Variants in LRIF1 observed in about 807,000 individuals in gnomAD.
LRIF1 encodes ligand-dependent nuclear receptor-interacting factor 1.
In LRIF1, 32 loss-of-function variants were observed where a neutral mutation model predicts 52.7. The ratio of observed to expected loss-of-function variants is 0.61; its 90% CI spans 0.46 to 0.82. The LOEUF is 0.82. LRIF1 is among the 40% of genes least tolerant of loss of function. The pLI is 0.00. For synonymous variants in LRIF1, 323 were observed against 317.4 expected (o/e 1.02, Z -0.19); for missense variants, 887 against 892.0 (o/e 0.99, Z 0.07).
intron 1 of LRIF1, among the ~76,000 whole-genome samples, chr1:110,953,337 A>G (rs1658561583): frequency 6.6e-6 from 1 of 152,186 alleles, no homozygotes; most frequent in South Asian, 2.1e-4. Flanking sequence ...TTAGTTTGCC[A>G]CATTTTTGTG....
chr1:110,889,844 A>G, the LRIF1 span, among the ~76,000 whole-genome samples: 1 of 152,214 alleles, frequency 6.6e-6, no homozygotes, highest in African/African-American at 2.4e-5. Flanking sequence ...TACTTCTGAT[A>G]TATATTCAAA....
chr1:110,880,172 A>G, the LRIF1 span: 1 of 152,100 alleles, frequency 6.6e-6, no homozygotes, highest in Non-Finnish European at 1.5e-5. Flanking sequence ...AGAGTCATAG[A>G]CTTTGACTGT....
At chr1:110,928,625 G>A in the LRIF1 span, among the ~76,000 whole-genome samples, 81 of 152,244 alleles carry the variant, frequency 5.3e-4, no homozygotes, top group East Asian at 3.9e-4. Context: ...GTTAGAATAC[G>A]AGATTCTAAG....
chr1:110,952,145 G>C lies in LRIF1; in HGVS notation c.739C>G (p.Gln247Glu), dbSNP rs139818648. 6.2e-7 allele frequency: 1 copy of C among 1,614,128 alleles called. No homozygotes were observed. The highest frequency in any genetic ancestry group is 8.5e-7 in the Non-Finnish European group (1 of 1,180,006). Residue 247 changes from glutamine (Q) to glutamate (E), a missense_variant, in exon 2 of 4, where the codon CAA becomes GAA. Gln to Glu is a conservative substitution (Grantham distance 29). Transcript: ENST00000369763. ...TVKNVVTKNFQNIYPKPVTEI... is the reference protein window; with the variant it reads ...TVKNVVTKNFENIYPKPVTEI... ...GTAACAGGTTTTGGGTAAATGTTTTGAAAGTTCTTGGTAACTACATTTTTC... is the reference window on the plus strand; with the variant it reads ...GTAACAGGTTTTGGGTAAATGTTTTCAAAGTTCTTGGTAACTACATTTTTC...
At chr1:110,917,724 G>T in the LRIF1 span, among the ~76,000 whole-genome samples, 1 of 149,166 alleles carries the variant, frequency 6.7e-6, no homozygotes, top group East Asian at 2.0e-4. Flanking sequence ...ATGTTATAAA[G>T]TTATATGTGC....
chr1:110,951,388 C>CAA lies in LRIF1; in HGVS notation c.1495_1496insTT (p.Arg499IlefsTer10). 1.2e-6 allele frequency: 2 copies of CAA among 1,614,116 alleles called. No individual in the cohort carries two copies. The highest frequency in any genetic ancestry group is 8.5e-7 in the Non-Finnish European group (1 of 1,179,978). ...TATGCTCTGGAGGACACTTCCTTTT[C>CAA]TAGCATAAATGACGGCTGTTACTTT... On this transcript the variant is annotated frameshift_variant, in exon 2 of 4. Transcript: ENST00000369763. LOFTEE classifies it high-confidence loss of function.
chr1:110,963,329 G>A, intron 1 of LRIF1: 1 of 236,066 alleles, frequency 4.2e-6, no homozygotes, highest in Non-Finnish European at 8.4e-6. Context: ...TAAGAGCGTC[G>A]GCCATCTTGG....
chr1:110,894,292 A>T, the LRIF1 span: 1 of 1,586,456 alleles, frequency 6.3e-7, no homozygotes, highest in Non-Finnish European at 8.7e-7. Flanking sequence ...GAGAATGGGG[A>T]TCAGTGCTGT....
chr1:110,904,578 T>A, the LRIF1 span, among the ~76,000 whole-genome samples: 2 of 152,184 alleles, frequency 1.3e-5, no homozygotes, highest in Non-Finnish European at 2.9e-5. Flanking sequence ...ACCACAGTAT[T>A]ACTGAGCTCG....
chr1:110,885,908 GA>G, the LRIF1 span, among the ~76,000 whole-genome samples: 44 of 152,122 alleles, frequency 2.9e-4, no homozygotes, highest in Admixed American at 2.4e-3. Context: ...TAAATAACAA[GA>G]AAAAAAGTAT....
At chr1:110,912,319 C>T in the LRIF1 span, among the ~76,000 whole-genome samples, 1 of 152,100 alleles carries the variant, frequency 6.6e-6, no homozygotes, top group Non-Finnish European at 1.5e-5. Context: ...TCAAGCGATT[C>T]TCATGCTTCA....
the LRIF1 span, among the ~76,000 whole-genome samples, chr1:110,932,539 T>C: frequency 4.6e-5 from 7 of 152,196 alleles, no homozygotes; most frequent in Non-Finnish European, 1.0e-4. Context: ...GGTAGCTTAA[T>C]GGGGATAGCA....
At chr1:110,914,958 A>C in the LRIF1 span, among the ~76,000 whole-genome samples, 1 of 152,158 alleles carries the variant, frequency 6.6e-6, no homozygotes, top group Non-Finnish European at 1.5e-5. Context: ...GTATATACTC[A>C]ACATAAATGC....
rs140289252 is a variant in LRIF1 at position 110,948,464 on chromosome 1, C to T, written c.1870-65G>A. 426 of 1,501,376 alleles carry T rather than the reference C, an allele frequency of 2.8e-4. 1 individual carries two copies. In the African/African-American group the frequency reaches 5.0e-3, roughly 17 times the overall value. 93.0% of individuals were successfully genotyped at this position (1,501,376 alleles called of 1,614,324 possible). ...TTACTGCTAAATGCACCGGGTACTACCAAACTTAACAACGTCTGCAGAAAC... is the reference window on the plus strand; with the variant it reads ...TTACTGCTAAATGCACCGGGTACTATCAAACTTAACAACGTCTGCAGAAAC... On this transcript the variant is annotated intron_variant, in intron 3 of 3. Coordinates refer to ENST00000369763, the MANE Select transcript of LRIF1 (RefSeq NM_018372.4).
the LRIF1 span, chr1:110,892,290 G>A: frequency 2.5e-6 from 3 of 1,205,414 alleles, no homozygotes; most frequent in East Asian, 4.6e-5. Context: ...AGAATATGAG[G>A]AGATACCCAA....
chr1:110,912,221 A>AT, the LRIF1 span, among the ~76,000 whole-genome samples: 2,316 of 150,930 alleles, frequency 0.015, 62 homozygotes, highest in African/African-American at 0.054. Context: ...TTACTTATTT[A>AT]TTTTTTTTTA....
intron 1 of LRIF1, among the ~76,000 whole-genome samples, chr1:110,959,969 A>G (rs1243242814): frequency 6.6e-6 from 1 of 152,080 alleles, no homozygotes; most frequent in Non-Finnish European, 1.5e-5. Context: ...TATCTATGAC[A>G]TAACATTATA....
In LRIF1 at chr1:110,952,465, A is replaced by G. The variant is rs201655335; in HGVS notation, c.419T>C (p.Val140Ala). 2.6e-4 allele frequency: 426 copies of G among 1,612,034 alleles called. No individual in the cohort carries two copies. In the Middle Eastern group the frequency reaches 4.0e-3, roughly 15 times the overall value. ...SSVSKVQSHG[V>A]KIDGLTMQTF... ...TTGCATGGTGAGTCCATCAATTTTCACACCATGACTCTGAACTTTAGAAAC... is the reference window on the plus strand; with the variant it reads ...TTGCATGGTGAGTCCATCAATTTTCGCACCATGACTCTGAACTTTAGAAAC... The change falls in exon 2 of 4, where the codon GTG becomes GCG. Residue 140 changes from valine to alanine, a missense_variant. Transcript: ENST00000369763.
intron 2 of LRIF1, 46 bp downstream of exon 2, chr1:110,951,242 T>A: frequency 6.8e-7 from 1 of 1,476,822 alleles, no homozygotes; most frequent in Non-Finnish European, 9.1e-7. Flanking sequence ...AAACAAACTT[T>A]TCTATATAGA....
Sources: allele counts gnomAD v4.1 joint callset (sites outside exome capture counted in the v4.1 genomes callset), GRCh38; gene constraint gnomAD v4.1.1; transcripts MANE v1.5; gene names NCBI Gene and HGNC (gene_info 2026-07-23, HGNC 2026-07-21).